Variants in OR10G8 observed in about 807,000 individuals in gnomAD.
The protein encoded by OR10G8 is olfactory receptor family 10 subfamily G member 8.
For synonymous variants in OR10G8, 173 were observed against 163.2 expected (o/e 1.06, Z -0.46); for missense variants, 386 against 384.9 (o/e 1.00, Z -0.02).
chr11:124,027,812 A>G (rs1235902063), intron 1 of OR10G8, among the ~76,000 whole-genome samples: 1 of 152,202 alleles, frequency 6.6e-6, no homozygotes, highest in Non-Finnish European at 1.5e-5. Flanking sequence ...CACACTGGTG[A>G]ACAAGTTTCA....
Position 124,030,315 on chromosome 11 carries a change from G to T in OR10G8, c.693G>T (p.Glu231Asp), listed in dbSNP as rs767972670. ...CCATCCTGCGGATCCGCACCTCAGA[G>T]GGGAAGCACAGAGCCTTTCAGACCT... The part of the protein sequence containing the change: ...VCSILRIRTS[E>D]GKHRAFQTCA... Residue 231 changes from glutamate (E) to aspartate (D), a missense_variant, in exon 2 of 2, where the codon GAG becomes GAT. Transcript: ENST00000641224. 122 of 1,614,084 alleles carry T rather than the reference G, an allele frequency of 7.6e-5. No individual in the cohort carries two copies. The highest frequency in any genetic ancestry group is 9.9e-5 in the Non-Finnish European group (117 of 1,180,034).
chr11:124,030,462 C>G lies in OR10G8; in HGVS notation c.840C>G (p.Pro280=). Residue 280 remains proline, a synonymous_variant, in exon 2 of 2, where the codon CCC becomes CCG. Coordinates refer to ENST00000641224, the MANE Select transcript of OR10G8 (RefSeq NM_001004464.2). The part of the protein sequence containing the change: ...VVAVFYTVLT[P]LLNPVVYTLR... ...CCGTTTTCTACACTGTGCTGACGCC[C>G]CTTCTCAACCCTGTTGTGTACACCC... is the stretch of plus-strand genomic sequence containing the variant. 1.2e-6 allele frequency: 2 copies of G among 1,614,160 alleles called. No individual in the cohort carries two copies. The highest frequency in any genetic ancestry group is 1.1e-5 in the South Asian group (1 of 91,074).
Position 124,029,684 on chromosome 11 carries a change from T to C in OR10G8, c.62T>C (p.Leu21Pro), listed in dbSNP as rs1247317846. Residue 21 changes from leucine (L) to proline (P), a missense_variant, in exon 2 of 2, where the codon CTG (leucine) becomes CCG (proline). Transcript: ENST00000641224. Reference protein sequence around the residue: ...ILMGLPHAPALDAPLFGVFLV... With the variant: ...ILMGLPHAPAPDAPLFGVFLV... The stretch of plus-strand genomic sequence containing the variant: ...ATGGGCCTTCCCCATGCCCCAGCGC[T>C]GGACGCCCCCCTCTTTGGAGTCTTC... The C allele has an allele frequency of 3.7e-6, 6 of 1,613,852 alleles. No individual in the cohort carries two copies. Among genetic ancestry groups the C allele is most frequent in the Non-Finnish European group, 3.4e-6 (4 of 1,179,868 alleles).
chr11:124,028,817 A>C (rs1028052439), intron 1 of OR10G8, among the ~76,000 whole-genome samples: 2 of 152,198 alleles, frequency 1.3e-5, no homozygotes, highest in East Asian at 1.9e-4. Context: ...ATGAGCAAGG[A>C]AGCAAAAATG....
chr11:124,030,579 T>A lies in OR10G8; in HGVS notation c.*21T>A, dbSNP rs370116827. 1.8e-5 allele frequency: 27 copies of A among 1,530,266 alleles called. No individual in the cohort carries two copies. Among genetic ancestry groups the A allele is most frequent in the African/African-American group, 2.8e-5 (2 of 71,982 alleles). The allele number at this position is 1,530,266 out of a possible 1,614,324, so 94.8% of individuals were successfully genotyped here. On this transcript the variant is annotated 3_prime_UTR_variant, in exon 2 of 2. Transcript: ENST00000641224. ...AATAGACACTAGGGAAGATTACATA[T>A]CTTAGCTCTTGTGAATAGTGCTGTG...
chr11:124,030,539 C>A lies in OR10G8; in HGVS notation c.917C>A (p.Ala306Glu). ...CTGTTGAAGCTGAAAGACAAAGTAG[C>A]ACATTCTCAGAGCAAATAGACACTA... ...KALLKLKDKV[A>E]HSQSK The change falls in exon 2 of 2, where the codon GCA (alanine) becomes GAA (glutamate). Residue 306 changes from alanine to glutamate, a missense_variant. Physicochemically the swap from Ala to Glu is moderately radical, Grantham distance 107. Coordinates refer to ENST00000641224, the MANE Select transcript of OR10G8 (RefSeq NM_001004464.2). 6.3e-7 allele frequency: 1 copy of A among 1,595,252 alleles called. No individual in the cohort carries two copies. The highest frequency in any genetic ancestry group is 8.5e-7 in the Non-Finnish European group (1 of 1,172,676).
intron 1 of OR10G8, among the ~76,000 whole-genome samples, chr11:124,029,238 T>C (rs1440517808): frequency 1.3e-5 from 2 of 152,102 alleles, no homozygotes; most frequent in South Asian, 2.1e-4. Context: ...CTTGGTGATA[T>C]GTTGATTAAA....
chr11:124,029,718 T>G lies in OR10G8; in HGVS notation c.96T>G (p.Val32=). ...CCCTCTTTGGAGTCTTCCTGGTGGTTTACGTGCTCACTGTGCTGGGGAACC... is the reference window on the plus strand; with the variant it reads ...CCCTCTTTGGAGTCTTCCTGGTGGTGTACGTGCTCACTGTGCTGGGGAACC... The part of the protein sequence containing the change: ...DAPLFGVFLV[V]YVLTVLGNLL... Residue 32 remains valine, a synonymous_variant, in exon 2 of 2, where the codon GTT becomes GTG. Coordinates refer to ENST00000641224, the MANE Select transcript of OR10G8 (RefSeq NM_001004464.2). The G allele has an allele frequency of 1.2e-6, 2 of 1,613,940 alleles. No individual in the cohort carries two copies. Among genetic ancestry groups the G allele is most frequent in the Non-Finnish European group, 1.7e-6 (2 of 1,179,864 alleles).
In OR10G8 at chr11:124,029,670, C is replaced by T. The variant is rs371423854; in HGVS notation, c.48C>T (p.Pro16=). 135 of 1,613,852 alleles carry T rather than the reference C, an allele frequency of 8.4e-5. No individual in the cohort carries two copies. Among genetic ancestry groups the T allele is most frequent in the Non-Finnish European group, 1.1e-4 (129 of 1,179,874 alleles). ...LLTAFILMGL[P]HAPALDAPLF... Reference sequence around the variant, plus strand: ...CAGCGTTCATCCTCATGGGCCTTCCCCATGCCCCAGCGCTGGACGCCCCCC... The same window carrying T: ...CAGCGTTCATCCTCATGGGCCTTCCTCATGCCCCAGCGCTGGACGCCCCCC... Residue 16 remains proline (P), a synonymous_variant, in exon 2 of 2, where the codon CCC becomes CCT. Coordinates refer to ENST00000641224, the MANE Select transcript of OR10G8 (RefSeq NM_001004464.2).
rs568774770 is a variant in OR10G8 at position 124,030,163 on chromosome 11, C to A, written c.541C>A (p.Pro181Thr). ...GATCCAGCACTATTTGTGTGATGCA[C>A]CGCCCATCCTGAAACTGGCCTGTGC... ...NWIQHYLCDAPPILKLACADT... is the reference protein window; with the variant it reads ...NWIQHYLCDATPILKLACADT... The change falls in exon 2 of 2, where the codon CCG (proline) becomes ACG (threonine). Residue 181 changes from proline to threonine, a missense_variant. Physicochemically the swap from Pro to Thr is conservative, Grantham distance 38. Transcript: ENST00000641224. 6.2e-7 allele frequency: 1 copy of A among 1,614,042 alleles called. No homozygotes were observed. The highest frequency in any genetic ancestry group is 1.1e-5 in the South Asian group (1 of 91,078).
At chr11:124,029,512 C>A in intron 1 of OR10G8, 84 bp from the exon 2 acceptor site, 1 of 1,223,666 alleles carries the variant, frequency 8.2e-7, no homozygotes, top group Non-Finnish European at 1.2e-6. Flanking sequence ...GAATTATCTA[C>A]CTGCTTGATG....
At chr11:124,027,707 C>T (rs565122962) in intron 1 of OR10G8, among the ~76,000 whole-genome samples, 1 of 152,126 alleles carries the variant, frequency 6.6e-6, no homozygotes. Context: ...TATTTATTTA[C>T]ATATTTCAAA....
Position 124,029,861 on chromosome 11 carries a change from T to G in OR10G8, c.239T>G (p.Leu80Arg). The change falls in exon 2 of 2, where the codon CTG becomes CGG. Residue 80 changes from leucine to arginine, a missense_variant. Transcript: ENST00000641224. ...WFSTVTVPKL[L>R]MTLVFPSGRA... ...TCCACTGTCACGGTGCCCAAATTGC[T>G]GATGACTTTGGTGTTCCCAAGTGGC... 6.2e-7 allele frequency: 1 copy of G among 1,614,178 alleles called. No individual in the cohort carries two copies. The highest frequency in any genetic ancestry group is 8.5e-7 in the Non-Finnish European group (1 of 1,180,026).
intron 1 of OR10G8, among the ~76,000 whole-genome samples, chr11:124,028,854 C>T (rs886573872): frequency 1.3e-5 from 2 of 152,030 alleles, no homozygotes; most frequent in African/African-American, 4.8e-5. Context: ...TTTGCAGTAG[C>T]CTTCAAGATT....
Position 124,030,058 on chromosome 11 carries a change from A to G in OR10G8, c.436A>G (p.Ser146Gly), listed in dbSNP as rs773251050. The G allele has an allele frequency of 9.7e-5, 157 of 1,614,078 alleles. No individual in the cohort carries two copies. The Middle Eastern group carries it at 2.0e-3, about 20-fold the overall frequency. The part of the protein sequence containing the change: ...TGRSCTLLAT[S>G]TWLSGSLHSA... ...GCGCTCGTGTACTCTTCTGGCCACC[A>G]GCACTTGGCTCAGTGGCTCTCTGCA... Residue 146 changes from serine (S) to glycine (G), a missense_variant, in exon 2 of 2, where the codon AGC becomes GGC. Transcript: ENST00000641224.
rs1240275122 is a variant in OR10G8, at chr11:124,026,863, A to G, written c.-32A>G. On this transcript the variant is annotated 5_prime_UTR_variant, in exon 1 of 2. Transcript: ENST00000641224. ...GTGTCTCTCAGCCACTGGTGAGAGA[A>G]AAGGGTAAGTCAGTTATTCTTTCCT... 1 of 152,192 alleles carries G rather than the reference A, an allele frequency of 6.6e-6. No individual in the cohort carries two copies. The highest frequency in any genetic ancestry group is 1.5e-5 in the Non-Finnish European group (1 of 68,024). 9.4% of individuals were successfully genotyped at this position (152,192 alleles called of 1,614,324 possible). A position where few individuals can be genotyped will look rare whatever the true frequency, so the allele number is the denominator to read the frequency against.
At chr11:124,028,488 C>T (rs1864124994) in intron 1 of OR10G8, among the ~76,000 whole-genome samples, 1 of 152,168 alleles carries the variant, frequency 6.6e-6, no homozygotes, top group Non-Finnish European at 1.5e-5. Flanking sequence ...CAGAAGGACT[C>T]TCTGAAAACA....
At chr11:124,028,033 C>T (rs1189156764) in intron 1 of OR10G8, among the ~76,000 whole-genome samples, 1 of 152,066 alleles carries the variant, frequency 6.6e-6, no homozygotes, top group African/African-American at 2.4e-5. Context: ...AAGAGAGAGA[C>T]TTGATGGAAT....
chr11:124,030,632 G>A lies in OR10G8; in HGVS notation c.*74G>A, dbSNP rs1864150986. ...AAACATACAGGGGCAGGTATCTTTT[G>A]GATGTAATGAATTCTTTTCCTTTGG... is the stretch of plus-strand genomic sequence containing the variant. On this transcript the variant is annotated 3_prime_UTR_variant, in exon 2 of 2. Coordinates refer to ENST00000641224, the MANE Select transcript of OR10G8 (RefSeq NM_001004464.2). 3.3e-6 allele frequency: 4 copies of A among 1,210,892 alleles called. No homozygotes were observed. Among genetic ancestry groups the A allele is most frequent in the Non-Finnish European group, 4.6e-6 (4 of 867,488 alleles). The allele number at this position is 1,210,892 out of a possible 1,614,324, so 75.0% of individuals were successfully genotyped here.
Sources: allele counts gnomAD v4.1 joint callset (sites outside exome capture counted in the v4.1 genomes callset), GRCh38; gene constraint gnomAD v4.1.1; transcripts MANE v1.5; gene names NCBI Gene and HGNC (gene_info 2026-07-23, HGNC 2026-07-21).